The following OR2L13 variants were observed in gnomAD, a reference collection of about 807,000 sequenced individuals.
The protein encoded by OR2L13 is olfactory receptor family 2 subfamily L member 13.
Under a neutral mutation model 15.3 loss-of-function variants are expected in OR2L13, and 14 were observed. The ratio of observed to expected loss-of-function variants is 0.91; its 90% confidence interval spans 0.60 to 1.43. OR2L13 has a LOEUF of 1.43. Among genes scored for constraint, OR2L13 ranks in the 40% most tolerant of loss-of-function variants. The pLI, the probability that OR2L13 is intolerant of heterozygous loss-of-function variation, is 0.00. For synonymous variants in OR2L13, 152 were observed against 142.9 expected (o/e 1.06, Z -0.45); for missense variants, 367 against 387.9 (o/e 0.95, Z 0.45).
At chr1:247,945,371 CTGTT>C in the OR2L13 span, among the ~76,000 whole-genome samples, 7 of 152,194 alleles carry the variant, frequency 4.6e-5, no homozygotes, top group East Asian at 5.8e-4. Context: ...GTCTGACAGA[CTGTT>C]TGTTATGGTT....
At chr1:248,083,552 T>C in the OR2L13 span, 1 of 975,400 alleles carries the variant, frequency 1.0e-6, no homozygotes, top group South Asian at 1.6e-5. Flanking sequence ...TAATTTTCTG[T>C]TCATGAACTA....
At chr1:248,022,095 T>C in the OR2L13 span, 1 of 1,613,914 alleles carries the variant, frequency 6.2e-7, no homozygotes, top group Non-Finnish European at 8.5e-7. Context: ...TCTCATCTTC[T>C]TGGACACCCA....
At chr1:247,990,022 A>G in the OR2L13 span, among the ~76,000 whole-genome samples, 3 of 151,676 alleles carry the variant, frequency 2.0e-5, no homozygotes, top group African/African-American at 7.3e-5. Context: ...TTATTACAGT[A>G]TATAATTATA....
chr1:248,072,929 G>C, the OR2L13 span, among the ~76,000 whole-genome samples: 104 of 152,170 alleles, frequency 6.8e-4, no homozygotes, highest in African/African-American at 2.3e-3. Context: ...CAATGAGATA[G>C]CATCTCACAC....
At chr1:248,001,739 A>G in the OR2L13 span, among the ~76,000 whole-genome samples, 6 of 152,102 alleles carry the variant, frequency 3.9e-5, no homozygotes, top group South Asian at 2.1e-4. Context: ...ATAGGACATT[A>G]GAATATTAAA....
chr1:247,977,232 G>A, the OR2L13 span, among the ~76,000 whole-genome samples: 7 of 152,064 alleles, frequency 4.6e-5, no homozygotes, highest in African/African-American at 1.7e-4. Context: ...TGTATTCTTA[G>A]CCCATTGCAT....
chr1:248,047,905 C>T, the OR2L13 span, among the ~76,000 whole-genome samples: 2 of 152,278 alleles, frequency 1.3e-5, no homozygotes, highest in East Asian at 3.9e-4. Context: ...GTCACAGCTT[C>T]TAATAACCCA....
chr1:248,096,234 T>C (rs528940160), upstream of OR2L13, among the ~76,000 whole-genome samples: 155 of 151,690 alleles, frequency 1.0e-3, no homozygotes, highest in African/African-American at 3.6e-3. Flanking sequence ...AAAATAAAAA[T>C]TAGCCGGGCG....
the OR2L13 span, among the ~76,000 whole-genome samples, chr1:247,959,875 C>T: frequency 6.6e-6 from 1 of 152,142 alleles, no homozygotes; most frequent in Admixed American, 6.5e-5. Flanking sequence ...AACTTCTTTG[C>T]AATGGGTTCG....
chr1:248,076,410 G>A, the OR2L13 span, among the ~76,000 whole-genome samples: 4 of 152,130 alleles, frequency 2.6e-5, no homozygotes, highest in South Asian at 2.1e-4. Context: ...GATGGGGATG[G>A]CATTGAATGT....
the OR2L13 span, chr1:248,022,700 T>A: frequency 6.2e-7 from 1 of 1,614,188 alleles, no homozygotes; most frequent in South Asian, 1.1e-5. Context: ...CTTTCTACTA[T>A]GCACCCTTTG....
At chr1:247,966,057 G>T in the OR2L13 span, 1 of 1,614,150 alleles carries the variant, frequency 6.2e-7, no homozygotes, top group Admixed American at 1.7e-5. Context: ...TGGTATTCCA[G>T]ATGAGCTCAG....
At chr1:248,060,138 G>C in the OR2L13 span, among the ~76,000 whole-genome samples, 7 of 151,704 alleles carry the variant, frequency 4.6e-5, no homozygotes, top group Non-Finnish European at 5.9e-5. Context: ...CATTTATACT[G>C]ACTTTCTATG....
the OR2L13 span, chr1:248,038,582 T>G: frequency 1.8e-4 from 297 of 1,614,166 alleles, 5 homozygotes; most frequent in African/African-American, 3.5e-3. Context: ...TCTTCTTGAC[T>G]TTAGCAGTTG....
the OR2L13 span, among the ~76,000 whole-genome samples, chr1:248,030,565 G>A: frequency 6.6e-6 from 1 of 152,192 alleles, no homozygotes; most frequent in African/African-American, 2.4e-5. Flanking sequence ...TATTGTAAGG[G>A]GTAACATTTC....
chr1:247,975,565 T>A, the OR2L13 span: 209 of 1,297,396 alleles, frequency 1.6e-4, no homozygotes, highest in Admixed American at 4.1e-4. Flanking sequence ...CATCCTCACC[T>A]CAATGCTCAA....
chr1:248,005,180 G>A, the OR2L13 span, among the ~76,000 whole-genome samples: 1 of 152,148 alleles, frequency 6.6e-6, no homozygotes, highest in Admixed American at 6.6e-5. Context: ...AACTCAAAGT[G>A]TGGAATTGGA....
At chr1:247,957,884 A>T in the OR2L13 span, among the ~76,000 whole-genome samples, 20 of 152,198 alleles carry the variant, frequency 1.3e-4, no homozygotes, top group East Asian at 1.2e-3. Flanking sequence ...TGATCTTTTC[A>T]AAAAACCAGC....
At chr1:248,087,523 A>G in the OR2L13 span, 1 of 152,304 alleles carries the variant, frequency 6.6e-6, no homozygotes, top group South Asian at 2.1e-4. Context: ...CCAGTGTGAC[A>G]TATATATGGG....
Sources: gnomAD v4.1 joint callset for allele counts (sites outside exome capture counted in the v4.1 genomes callset) on GRCh38, gnomAD v4.1.1 for gene constraint, MANE v1.5 for transcripts, NCBI Gene and HGNC (gene_info 2026-07-23, HGNC 2026-07-21) for gene names.